VWDE: variants seen among roughly 807,000 people sequenced by gnomAD.
VWDE encodes the protein von Willebrand factor D and EGF domains.
VWDE carries 207 observed loss-of-function variants against 178.4 expected under a neutral mutation model. That is an observed-to-expected ratio of 1.16 (90% CI 1.04 to 1.30). The LOEUF is 1.30. VWDE is among the 50% of genes most tolerant of loss of function. The pLI, the probability that VWDE is intolerant of heterozygous loss-of-function variation, is 0.00. For synonymous variants in VWDE, 738 were observed against 651.4 expected, an observed-to-expected ratio of 1.13 and a Z score of -2.02; for missense variants, 2,287 against 1,901.3, an observed-to-expected ratio of 1.20 and a Z score of -3.77.
At chr7:12,367,671 G>A (rs1298752328) in intron 12 of VWDE, among the ~76,000 whole-genome samples, 178 bp from the exon 13 acceptor site, 2 of 152,006 alleles carry the variant, frequency 1.3e-5, no homozygotes, top group Non-Finnish European at 2.9e-5. Context: ...GGTATTAGAA[G>A]AGGTATCTAC....
chr7:12,400,045 G>A (rs1434888803), intron 1 of VWDE, among the ~76,000 whole-genome samples: 2 of 152,068 alleles, frequency 1.3e-5, no homozygotes, highest in African/African-American at 2.4e-5. Context: ...ACACAATATA[G>A]CAAAATGTAT....
chr7:12,393,573 G>T, intron 2 of VWDE, 21 bp downstream of exon 2: 1 of 1,516,164 alleles, frequency 6.6e-7, no homozygotes, highest in Non-Finnish European at 8.9e-7. Context: ...ATAACATGCA[G>T]TACTTAGGGA....
In VWDE at chr7:12,342,144, G is replaced by T; in HGVS notation, c.4185C>A (p.Asn1395Lys). The part of the protein sequence containing the change: ...VGPRCETMVC[N>K]RHCENGGQCL... ...ACTGGCCTCCATTTTCACAGTGCCT[G>T]TTACAAACCACTGAGATCATAGAAT... Residue 1395 changes from asparagine to lysine, a missense_variant, in exon 23 of 29, where the codon AAC becomes AAA. By Grantham distance (94) the Asn-to-Lys change is moderately conservative (BLOSUM62 0). Coordinates refer to ENST00000275358, the MANE Select transcript of VWDE (RefSeq NM_001135924.3). 6.4e-7 allele frequency: 1 copy of T among 1,551,256 alleles called. No homozygotes were observed. Among genetic ancestry groups the T allele is most frequent in the Non-Finnish European group, 8.7e-7 (1 of 1,146,674 alleles).
At position 12,373,221 on chromosome 7, in the gene VWDE, G is replaced by A. The variant is rs771451014; in HGVS notation, c.1343C>T (p.Thr448Ile). The A allele has an allele frequency of 1.7e-5, 26 of 1,551,052 alleles. No homozygotes were observed. The highest frequency in any genetic ancestry group is 2.0e-5 in the Non-Finnish European group (23 of 1,146,722). The change falls in exon 10 of 29, where the codon ACA becomes ATA. Residue 448 changes from threonine (T) to isoleucine (I), a missense_variant. Thr to Ile is a moderately conservative substitution (Grantham distance 89). Transcript: ENST00000275358. ...TGACATACTCTTATAAAGCACAAAT[G>A]TTCCAGTCTTGAAATTATCATATAC... Reference protein sequence around the residue: ...GRVYDNFKTGTFVLYKSMSRD... With the variant: ...GRVYDNFKTGIFVLYKSMSRD...
Position 12,386,488 on chromosome 7 carries a change from C to T in VWDE, c.475+2639G>A, listed in dbSNP as rs576539040. ...CGCAGAGCTCCCTAAATGATCAGGCCTTGCGCTTTCAAACCCCCATCTTGT... is the reference window on the plus strand; with the variant it reads ...CGCAGAGCTCCCTAAATGATCAGGCTTTGCGCTTTCAAACCCCCATCTTGT... On this transcript the variant is annotated intron_variant, in intron 3 of 28. Transcript: ENST00000275358. 5.9e-4 allele frequency among the ~76,000 whole-genome samples: 90 copies of T among 152,300 alleles called. 1 individual carries two copies. Among genetic ancestry groups the T allele is most frequent in the African/African-American group, 2.1e-3 (88 of 41,572 alleles).
At chr7:12,403,148 AC>A (rs1784990163) in intron 1 of VWDE, among the ~76,000 whole-genome samples, 1 of 152,226 alleles carries the variant, frequency 6.6e-6, no homozygotes, top group Non-Finnish European at 1.5e-5. Context: ...ACATATATAT[AC>A]AAAAACCATA....
intron 19 of VWDE, among the ~76,000 whole-genome samples, chr7:12,347,959 A>G (rs188392470): frequency 0.11 from 16,944 of 152,192 alleles, 1,319 homozygotes; most frequent in Non-Finnish European, 0.16. Context: ...ACCTGACAAA[A>G]ACAAGCAATG....
At chr7:12,345,466 A>G (rs965645077) in intron 19 of VWDE, among the ~76,000 whole-genome samples, 9 of 152,166 alleles carry the variant, frequency 5.9e-5, no homozygotes, top group Admixed American at 5.9e-4. Flanking sequence ...TGAGCTTGGC[A>G]CACAGGAAAC....
At chr7:12,349,032 C>T (rs980988697) in intron 19 of VWDE, among the ~76,000 whole-genome samples, 1 of 151,996 alleles carries the variant, frequency 6.6e-6, no homozygotes, top group Non-Finnish European at 1.5e-5. Context: ...ACAATGAGAA[C>T]ACATGGACAC....
chr7:12,398,011 A>G (rs984791905), intron 1 of VWDE, among the ~76,000 whole-genome samples: 2 of 152,222 alleles, frequency 1.3e-5, no homozygotes, highest in Non-Finnish European at 2.9e-5. Flanking sequence ...GAGATTTCTC[A>G]AAGAACTGAA....
intron 24 of VWDE, 22 bp downstream of exon 24, chr7:12,340,300 C>T: frequency 6.6e-7 from 1 of 1,525,246 alleles, no homozygotes; most frequent in Non-Finnish European, 8.9e-7. Context: ...GCCCTTTTTA[C>T]ATACAAAGAA....
Position 12,359,671 on chromosome 7 carries a change from C to CT in VWDE, c.3180_3181insA (p.Gly1061ArgfsTer6), listed in dbSNP as rs1325882242. The CT allele has an allele frequency of 6.5e-7, 1 of 1,544,640 alleles. No homozygotes were observed. Among genetic ancestry groups the CT allele is most frequent in the Admixed American group, 2.0e-5 (1 of 50,364 alleles). On this transcript the variant is annotated frameshift_variant, in exon 16 of 29. Transcript: ENST00000275358. LOFTEE classifies it high-confidence loss of function. ...TTGTCTCCTTCAACATAGCAGAGTC[C>CT]ATCAATAATGCAAACATTTTCCTAA...
At chr7:12,371,229 T>C (rs901088286) in intron 10 of VWDE, among the ~76,000 whole-genome samples, 1 of 152,184 alleles carries the variant, frequency 6.6e-6, no homozygotes, top group Admixed American at 6.6e-5. Context: ...CAGAATTAGA[T>C]TGCCAAATAA....
chr7:12,357,259 G>C lies in VWDE; in HGVS notation c.3525+6C>G. On this transcript the variant is annotated splice_donor_region_variant and intron_variant, in intron 17 of 28. Coordinates refer to ENST00000275358, the MANE Select transcript of VWDE (RefSeq NM_001135924.3). ...CCAGTGGCACTTATGTAATTATAAA[G>C]ATTACCTCAATCGTGACTCTAGTTT... 1.3e-6 allele frequency: 2 copies of C among 1,550,844 alleles called. No individual in the cohort carries two copies. The highest frequency in any genetic ancestry group is 1.7e-6 in the Non-Finnish European group (2 of 1,146,084).
chr7:12,371,703 C>T (rs778603063), intron 10 of VWDE, among the ~76,000 whole-genome samples: 6 of 152,042 alleles, frequency 3.9e-5, no homozygotes, highest in Non-Finnish European at 8.8e-5. Context: ...GATCTTTGTG[C>T]AAATTCCTCA....
chr7:12,363,607 A>T (rs1212676192), intron 13 of VWDE, among the ~76,000 whole-genome samples: 2 of 152,042 alleles, frequency 1.3e-5, no homozygotes, highest in Non-Finnish European at 1.5e-5. Context: ...GTTTCTATCC[A>T]TTTTTTGTAC....
intron 9 of VWDE, 50 bp downstream of exon 9, chr7:12,374,639 A>G (rs1421441443): frequency 1.5e-6 from 2 of 1,321,926 alleles, no homozygotes; most frequent in Non-Finnish European, 1.0e-6. Context: ...ATAAAACAAC[A>G]AAATCAAAGC....
In VWDE at chr7:12,402,576, G is replaced by T. The variant is rs553853467; in HGVS notation, c.58+1083C>A. On this transcript the variant is annotated intron_variant, in intron 1 of 28. Transcript: ENST00000275358. ...GAAATCATCTTCCTTTATAAACATT[G>T]GTCATTTTTTTCCTGGAAATATTTA... Among the ~76,000 whole-genome samples the T allele has an allele frequency of 5.3e-5, 8 of 151,942 alleles. No individual in the cohort carries two copies. In the South Asian group the frequency reaches 1.7e-3, roughly 32 times the overall value.
intron 7 of VWDE, among the ~76,000 whole-genome samples, chr7:12,376,437 C>T (rs1783535699): frequency 6.6e-6 from 1 of 152,054 alleles, no homozygotes. Context: ...AGAATAAGAA[C>T]ATGCATGCAA....
Sources: gnomAD v4.1 joint callset for allele counts (sites outside exome capture counted in the v4.1 genomes callset) on GRCh38, gnomAD v4.1.1 for gene constraint, MANE v1.5 for transcripts, NCBI Gene and HGNC (gene_info 2026-07-23, HGNC 2026-07-21) for gene names.